The following PPP1R12A variants were observed in gnomAD, a reference collection of about 807,000 sequenced individuals.
The protein encoded by PPP1R12A is protein phosphatase 1 regulatory subunit 12A, also known as myosin binding subunit.
A neutral mutation model predicts 139.6 loss-of-function variants in PPP1R12A; 19 were observed. That is an observed-to-expected ratio of 0.14 (90% confidence interval 0.09 to 0.20). PPP1R12A has a LOEUF of 0.20. Among genes scored for constraint, PPP1R12A ranks in the 10% least tolerant of loss-of-function variants. The pLI, the probability that PPP1R12A is intolerant of heterozygous loss-of-function variation, is 1.00. For missense variants in PPP1R12A, 925 were observed against 1,211.5 expected, an observed-to-expected ratio of 0.76 and a Z score of 3.51; for synonymous variants, 427 against 420.6, an observed-to-expected ratio of 1.02 and a Z score of -0.19.
Position 79,775,302 on chromosome 12 carries a change from C to A in PPP1R12A, c.*627G>T, listed in dbSNP as rs1295927400. 1 of 152,514 alleles carries A rather than the reference C, an allele frequency of 6.6e-6. No homozygotes were observed. The highest frequency in any genetic ancestry group is 1.5e-5 in the Non-Finnish European group (1 of 67,980). 9.4% of individuals were successfully genotyped at this position (152,514 alleles called of 1,614,324 possible). A position where few individuals can be genotyped will look rare whatever the true frequency, so the allele number is the denominator to read the frequency against. ...AAAGCATATGTTCCACCAAGCAATT[C>A]AGTTCCAGGTGGGAGACAACACAGC... On this transcript the variant is annotated 3_prime_UTR_variant, in exon 25 of 25. Coordinates refer to ENST00000450142, the MANE Select transcript of PPP1R12A (RefSeq NM_002480.3).
chr12:79,782,886 G>A (rs1269106826), intron 22 of PPP1R12A, among the ~76,000 whole-genome samples: 3 of 152,186 alleles, frequency 2.0e-5, no homozygotes, highest in Non-Finnish European at 4.4e-5. Context: ...ACTGTTAAAT[G>A]TGGTAATTTT....
Position 79,786,468 on chromosome 12 carries a change from T to A in PPP1R12A, c.2813A>T (p.Gln938Leu). Residue 938 changes from glutamine (Q) to leucine (L), a missense_variant, in exon 22 of 25, where the codon CAA becomes CTA. By Grantham distance (113) the Gln-to-Leu change is moderately radical (BLOSUM62 -2). This residue lies in a region of PPP1R12A where 315 missense variants were observed against 363.4 expected (regional missense o/e 0.87). Transcript: ENST00000450142. ...DSTDFKKLYEQILAENEKLKA... is the reference protein window; with the variant it reads ...DSTDFKKLYELILAENEKLKA... Reference sequence around the variant, plus strand: ...CAGCTTTTCATTTTCAGCTAGAATTTGTTCATAAAGCTATAAAAATTAGGG... The same window carrying A: ...CAGCTTTTCATTTTCAGCTAGAATTAGTTCATAAAGCTATAAAAATTAGGG... 1 of 1,547,566 alleles carries A rather than the reference T, an allele frequency of 6.5e-7. No homozygotes were observed. The highest frequency in any genetic ancestry group is 1.4e-5 in the African/African-American group (1 of 73,252).
chr12:79,884,864 T>C (rs1161373544), intron 1 of PPP1R12A, among the ~76,000 whole-genome samples: 1 of 152,192 alleles, frequency 6.6e-6, no homozygotes. Flanking sequence ...TTAGTTTTTA[T>C]TGTTCCACAC....
chr12:79,834,454 T>C (rs1877833786), intron 3 of PPP1R12A, among the ~76,000 whole-genome samples: 1 of 152,132 alleles, frequency 6.6e-6, no homozygotes, highest in South Asian at 2.1e-4. Context: ...TGCAATAATC[T>C]AGGCAAGCAA....
chr12:79,923,976 G>A (rs189071848), intron 1 of PPP1R12A, among the ~76,000 whole-genome samples: 333 of 152,158 alleles, frequency 2.2e-3, no homozygotes, highest in African/African-American at 6.4e-3. Flanking sequence ...CCTGGGAGGC[G>A]GCGTTTGCAG....
chr12:79,808,591 A>C lies in PPP1R12A; in HGVS notation c.1456-14T>G, dbSNP rs1874147148. On this transcript the variant is annotated splice_polypyrimidine_tract_variant and intron_variant, in intron 10 of 24. Transcript: ENST00000450142. The stretch of plus-strand genomic sequence containing the variant: ...ACTATCTTTCTCCTACACAACAGGG[A>C]AAAAAATAAGTAAAAATTAATTTGG... The C allele has an allele frequency of 2.6e-6, 4 of 1,517,484 alleles. No homozygotes were observed. In the African/African-American group the frequency reaches 5.5e-5, roughly 21 times the overall value. 94.0% of individuals were successfully genotyped at this position (1,517,484 alleles called of 1,614,324 possible).
chr12:79,776,576 C>A (rs867847742), intron 24 of PPP1R12A, among the ~76,000 whole-genome samples: 5 of 151,966 alleles, frequency 3.3e-5, no homozygotes, highest in Admixed American at 3.3e-4. Flanking sequence ...TAAATGGTAA[C>A]AAGCAATTAC....
chr12:79,831,074 T>C (rs966722908), intron 4 of PPP1R12A, among the ~76,000 whole-genome samples: 1 of 152,128 alleles, frequency 6.6e-6, no homozygotes. Context: ...TCAGTACTCA[T>C]ATACATATTT....
intron 22 of PPP1R12A, among the ~76,000 whole-genome samples, chr12:79,785,759 G>T (rs545988256): frequency 3.3e-4 from 50 of 150,868 alleles, no homozygotes; most frequent in Middle Eastern, 6.8e-3. Flanking sequence ...TTTGTTTTTT[G>T]AAAGGAGGGA....
At chr12:79,780,889 A>G (rs913580161) in intron 23 of PPP1R12A, 1 of 152,204 alleles carries the variant, frequency 6.6e-6, no homozygotes, top group Non-Finnish European at 1.5e-5. Context: ...GACAGACATT[A>G]TAACACTATT....
At chr12:79,780,750 T>C (rs1418720498) in intron 23 of PPP1R12A, 2 of 152,158 alleles carry the variant, frequency 1.3e-5, no homozygotes, top group Admixed American at 6.5e-5. Context: ...TATAATAATA[T>C]TAAATTTATT....
intron 1 of PPP1R12A, among the ~76,000 whole-genome samples, chr12:79,882,547 G>A (rs183233744): frequency 3.5e-4 from 53 of 152,304 alleles, no homozygotes; most frequent in African/African-American, 1.3e-3. Context: ...TTTCTTGAGA[G>A]GGAATCTACT....
At position 79,898,619 on chromosome 12, in the gene PPP1R12A, TCACAA is replaced by T. The variant is rs565790049; in HGVS notation, c.238-25686_238-25682del. 6.8e-3 allele frequency among the ~76,000 whole-genome samples: 1,029 copies of T among 152,348 alleles called. 10 individuals are homozygous for T. Among genetic ancestry groups the T allele is most frequent in the Non-Finnish European group, 0.01 (692 of 68,040 alleles). On this transcript the variant is annotated intron_variant, in intron 1 of 24. Coordinates refer to ENST00000450142, the MANE Select transcript of PPP1R12A (RefSeq NM_002480.3). ...TGCAAACGAAGAAATAGTCTACCACTCACAAACTGAACTTCTAATGATTTCTTACA... is the reference window on the plus strand; with the variant it reads ...TGCAAACGAAGAAATAGTCTACCACTACTGAACTTCTAATGATTTCTTACA...
intron 1 of PPP1R12A, among the ~76,000 whole-genome samples, chr12:79,920,104 T>C (rs1887322296): frequency 6.6e-6 from 1 of 152,210 alleles, no homozygotes; most frequent in African/African-American, 2.4e-5. Context: ...TTCTGGACAT[T>C]TCATATAAAT....
chr12:79,828,535 A>G, intron 4 of PPP1R12A, 71 bp from the exon 5 acceptor site: 1 of 1,195,820 alleles, frequency 8.4e-7, no homozygotes, highest in Non-Finnish European at 1.1e-6. Context: ...AAAGCTATCT[A>G]TCATGCAATT....
chr12:79,822,207 G>C lies in PPP1R12A; in HGVS notation c.793-17C>G, dbSNP rs1237918671. The C allele has an allele frequency of 3.9e-6, 6 of 1,541,682 alleles. No individual in the cohort carries two copies. The highest frequency in any genetic ancestry group is 1.8e-5 in the Admixed American group (1 of 54,906). On this transcript the variant is annotated splice_polypyrimidine_tract_variant and intron_variant, in intron 5 of 24. Transcript: ENST00000450142. The stretch of plus-strand genomic sequence containing the variant: ...TGTTTGGCCCTACGTAGGAAACAAG[G>C]GGGGATGGTGATGGTCAAAAGTCAA...
intron 1 of PPP1R12A, among the ~76,000 whole-genome samples, chr12:79,883,959 G>T (rs554584480): frequency 6.6e-6 from 1 of 152,278 alleles, no homozygotes; most frequent in Non-Finnish European, 1.5e-5. Flanking sequence ...GTTTTTATGA[G>T]AGCTGAGAAA....
Position 79,778,616 on chromosome 12 carries a change from G to C in PPP1R12A, c.2956-16C>G. ...CTCTTCGTTCCTAGATCGATTTAAG[G>C]TACCAATGTTAGTTATATAATTATT... is the stretch of plus-strand genomic sequence containing the variant. On this transcript the variant is annotated splice_polypyrimidine_tract_variant and intron_variant, in intron 23 of 24. Transcript: ENST00000450142. The C allele has an allele frequency of 6.8e-7, 1 of 1,477,286 alleles. No homozygotes were observed. The highest frequency in any genetic ancestry group is 9.1e-7 in the Non-Finnish European group (1 of 1,097,190). 91.5% of individuals were successfully genotyped at this position (1,477,286 alleles called of 1,614,324 possible).
chr12:79,786,528 C>T (rs1301861670), intron 21 of PPP1R12A, 50 bp from the exon 22 acceptor site: 15 of 1,199,842 alleles, frequency 1.3e-5, no homozygotes, highest in Non-Finnish European at 1.6e-5. Flanking sequence ...TCTCCTATTA[C>T]TTTAAAATTT....
Sources: gnomAD v4.1 joint callset for allele counts (sites outside exome capture counted in the v4.1 genomes callset) on GRCh38, gnomAD v4.1.1 for gene constraint, gnomAD v4.1.1 regional missense constraint, MANE v1.5 for transcripts, NCBI Gene and HGNC (gene_info 2026-07-23, HGNC 2026-07-21) for gene names.